CARNMT1: variants seen among roughly 807,000 people sequenced by gnomAD.
The protein encoded by CARNMT1 is carnosine N-methyltransferase 1.
In CARNMT1, 28 loss-of-function variants were observed where a neutral mutation model predicts 49.6. The observed-to-expected ratio is 0.56, with a 90% CI of 0.42 to 0.77. The LOEUF (loss-of-function observed/expected upper bound fraction) is 0.77. CARNMT1 is among the 30% of genes least tolerant of loss of function. The pLI is 0.00. For synonymous variants in CARNMT1, 178 were observed against 175.0 expected, an observed-to-expected ratio of 1.02 and a Z score of -0.13; for missense variants, 421 against 512.6, an observed-to-expected ratio of 0.82 and a Z score of 1.73.
chr9:74,988,991 A>C (rs765520616), intron 6 of CARNMT1, among the ~76,000 whole-genome samples: 1 of 152,256 alleles, frequency 6.6e-6, no homozygotes, highest in Non-Finnish European at 1.5e-5. Flanking sequence ...AGCTTTAAGT[A>C]AGCAAATTTA....
rs1832742653 is a variant in CARNMT1, at chr9:74,983,616, A to C, written c.*151T>G. ...CTGAAAAAGCAATAGACATATTAAGAAAATAGACACTATTTCTAAATTTCG... is the reference window on the plus strand; with the variant it reads ...CTGAAAAAGCAATAGACATATTAAGCAAATAGACACTATTTCTAAATTTCG... On this transcript the variant is annotated 3_prime_UTR_variant, in exon 8 of 8. Transcript: ENST00000376834. 2.0e-6 allele frequency: 1 copy of C among 503,366 alleles called. No individual in the cohort carries two copies. The highest frequency in any genetic ancestry group is 3.1e-5 in the East Asian group (1 of 32,656). 31.2% of individuals were successfully genotyped at this position (503,366 alleles called of 1,614,324 possible).
rs200208961 is a variant in CARNMT1, at chr9:75,021,339, ATAC to A, written c.231-3894_231-3892del. 3.8e-3 allele frequency among the ~76,000 whole-genome samples: 559 copies of A among 146,536 alleles called. 3 individuals carry two copies. Among genetic ancestry groups the A allele is most frequent in the Non-Finnish European group, 5.7e-3 (384 of 67,020 alleles). On this transcript the variant is annotated intron_variant, in intron 1 of 7. Transcript: ENST00000376834. ...ACCATATATATTATATATAGTATATATACTACTATACATACCATATATATTATA... is the reference window on the plus strand; with the variant it reads ...ACCATATATATTATATATAGTATATATACTATACATACCATATATATTATA...
At chr9:74,985,582 CTTTT>C (rs894654797) in intron 6 of CARNMT1, among the ~76,000 whole-genome samples, 1 of 144,986 alleles carries the variant, frequency 6.9e-6, no homozygotes, top group Admixed American at 6.9e-5. Flanking sequence ...TACAATATGA[CTTTT>C]TTTTTTTTTG....
chr9:75,000,987 T>G (rs1564096899), intron 3 of CARNMT1, among the ~76,000 whole-genome samples: 3 of 152,064 alleles, frequency 2.0e-5, no homozygotes, highest in Admixed American at 1.3e-4. Flanking sequence ...GACCTAACGC[T>G]CTCTCATTTC....
chr9:75,003,093 CTCCTAACTTACCTCT>C (rs1352369401), intron 3 of CARNMT1, among the ~76,000 whole-genome samples: 6 of 152,238 alleles, frequency 3.9e-5, no homozygotes, highest in Admixed American at 1.3e-4. Flanking sequence ...TGTTTAGCAT[CTCCTAACTTACCTCT>C]TCATCAACTC....
intron 6 of CARNMT1, among the ~76,000 whole-genome samples, chr9:74,993,399 A>C (rs1833091211): frequency 6.6e-6 from 1 of 152,174 alleles, no homozygotes; most frequent in South Asian, 2.1e-4. Context: ...TGAAGGTAAA[A>C]AACATAATCC....
chr9:75,014,890 TAAAG>T (rs1190276139), intron 3 of CARNMT1, among the ~76,000 whole-genome samples: 2 of 150,718 alleles, frequency 1.3e-5, no homozygotes, highest in South Asian at 2.1e-4. Flanking sequence ...TAACAAAAAA[TAAAG>T]AGAGAGAAGA....
At position 74,998,718 on chromosome 9, in the gene CARNMT1, G is replaced by T; in HGVS notation, c.790C>A (p.Arg264=). ...GGTCGAATCTGATCAGCTGATCTCC[G>T]GTTATTGCTAAACTGATGGATCCAA... ...YPWIHQFSNN[R]RSADQIRPIF... Residue 264 remains arginine (R), a synonymous_variant, in exon 5 of 8, where the codon CGG becomes AGG. Transcript: ENST00000376834. 6.2e-7 allele frequency: 1 copy of T among 1,602,648 alleles called. No individual in the cohort carries two copies. Among genetic ancestry groups the T allele is most frequent in the Non-Finnish European group, 8.5e-7 (1 of 1,174,096 alleles).
chr9:75,008,351 A>G (rs1237535138), intron 3 of CARNMT1, among the ~76,000 whole-genome samples: 2 of 152,130 alleles, frequency 1.3e-5, no homozygotes, highest in African/African-American at 4.8e-5. Context: ...TTTTTTCTTG[A>G]GACGGAGTCT....
rs560198027 is a variant in CARNMT1 at position 74,994,652 on chromosome 9, A to T, written c.1024+1795T>A. 2.0e-5 allele frequency among the ~76,000 whole-genome samples: 3 copies of T among 152,306 alleles called. No homozygotes were observed. The South Asian group carries it at 6.2e-4, about 32-fold the overall frequency. ...GGAGTCAAAAATGAGTACATGGCATAAAAAATGAAAAACACAGATTAGATG... is the reference window on the plus strand; with the variant it reads ...GGAGTCAAAAATGAGTACATGGCATTAAAAATGAAAAACACAGATTAGATG... On this transcript the variant is annotated intron_variant, in intron 6 of 7. Coordinates refer to ENST00000376834, the MANE Select transcript of CARNMT1 (RefSeq NM_152420.3).
intron 1 of CARNMT1, 104 bp from the exon 2 acceptor site, chr9:75,017,552 G>A: frequency 1.1e-6 from 1 of 891,410 alleles, no homozygotes; most frequent in Non-Finnish European, 1.8e-6. Context: ...TATTATGCTG[G>A]ATACTGTCCT....
At chr9:75,020,760 G>A (rs1203314751) in intron 1 of CARNMT1, among the ~76,000 whole-genome samples, 1 of 152,152 alleles carries the variant, frequency 6.6e-6, no homozygotes, top group East Asian at 1.9e-4. Flanking sequence ...ACAAGCTTGT[G>A]TTTGGTGGCT....
intron 4 of CARNMT1, 120 bp from the exon 5 acceptor site, chr9:74,998,896 G>T: frequency 1.8e-6 from 1 of 564,188 alleles, no homozygotes; most frequent in Non-Finnish European, 2.8e-6. Flanking sequence ...TATTTAAAGA[G>T]TCACTATTAC....
chr9:75,015,925 C>T (rs1251071944), intron 3 of CARNMT1: 1 of 168,342 alleles, frequency 5.9e-6, no homozygotes, highest in Non-Finnish European at 1.3e-5. Context: ...GTACAGATCC[C>T]TCACTTGTTT....
chr9:75,014,941 C>CA (rs1397169271), intron 3 of CARNMT1, among the ~76,000 whole-genome samples: 1 of 152,124 alleles, frequency 6.6e-6, no homozygotes, highest in East Asian at 1.9e-4. Flanking sequence ...AGCAAATACT[C>CA]AAACGTAAAG....
intron 6 of CARNMT1, among the ~76,000 whole-genome samples, chr9:74,988,205 C>T (rs1832904038): frequency 6.6e-6 from 1 of 152,074 alleles, no homozygotes; most frequent in Non-Finnish European, 1.5e-5. Flanking sequence ...GCATGCAACA[C>T]CACACGCAGC....
At chr9:75,011,868 C>G (rs11144185) in intron 3 of CARNMT1, among the ~76,000 whole-genome samples, 19,317 of 152,102 alleles carry the variant, frequency 0.13, 1,428 homozygotes, top group East Asian at 0.26. Context: ...TTCTGCCTCA[C>G]TACTACAACT....
At chr9:75,006,389 C>T (rs920599774) in intron 3 of CARNMT1, among the ~76,000 whole-genome samples, 23 of 152,108 alleles carry the variant, frequency 1.5e-4, no homozygotes, top group African/African-American at 5.6e-4. Flanking sequence ...TTAATTTATT[C>T]TGACAAAGCT....
chr9:75,013,198 T>A (rs910726677), intron 3 of CARNMT1, among the ~76,000 whole-genome samples: 2 of 152,156 alleles, frequency 1.3e-5, no homozygotes, highest in African/African-American at 4.8e-5. Flanking sequence ...TCATCCTTAC[T>A]GGGTATAATT....
Sources: allele counts gnomAD v4.1 joint callset (sites outside exome capture counted in the v4.1 genomes callset), GRCh38; gene constraint gnomAD v4.1.1; transcripts MANE v1.5; gene names NCBI Gene and HGNC (gene_info 2026-07-23, HGNC 2026-07-21).